The following PLXDC2 variants were observed in gnomAD, a reference collection of about 807,000 sequenced individuals.
PLXDC2 encodes the protein plexin domain containing 2.
Under a neutral mutation model 68.9 loss-of-function variants are expected in PLXDC2, and 40 were observed. The observed-to-expected ratio is 0.58, with a 90% CI of 0.45 to 0.76. The LOEUF (loss-of-function observed/expected upper bound fraction) is 0.76, where lower values mean the gene tolerates loss of function less well. PLXDC2 is among the 30% of genes least tolerant of loss of function. PLXDC2 has a pLI of 0.00. For missense variants in PLXDC2, 644 were observed against 661.9 expected (o/e 0.97, Z 0.30); for synonymous variants, 243 against 234.2 (o/e 1.04, Z -0.34).
At chr10:19,955,049 T>C (rs1834045770) in intron 1 of PLXDC2, among the ~76,000 whole-genome samples, 1 of 151,632 alleles carries the variant, frequency 6.6e-6, no homozygotes, top group Admixed American at 6.6e-5. Flanking sequence ...TTGCCTATAG[T>C]TGTTTCTCCT....
intron 1 of PLXDC2, among the ~76,000 whole-genome samples, chr10:19,957,190 G>C (rs1469282128): frequency 1.3e-5 from 2 of 152,096 alleles, no homozygotes; most frequent in Non-Finnish European, 2.9e-5. Context: ...TCTAGTCTTT[G>C]AACTGGTACT....
At chr10:19,915,066 T>A (rs1489866543) in intron 1 of PLXDC2, among the ~76,000 whole-genome samples, 1 of 152,174 alleles carries the variant, frequency 6.6e-6, no homozygotes, top group Non-Finnish European at 1.5e-5. Flanking sequence ...TTAAATTTAC[T>A]CTACCAATCT....
At chr10:20,260,426 C>T (rs1231959031) in intron 13 of PLXDC2, among the ~76,000 whole-genome samples, 1 of 152,212 alleles carries the variant, frequency 6.6e-6, no homozygotes, top group African/African-American at 2.4e-5. Context: ...AAAAATTCCA[C>T]ATGTGATAGA....
intron 2 of PLXDC2, among the ~76,000 whole-genome samples, chr10:20,034,491 A>G (rs975280113): frequency 2.0e-5 from 3 of 152,198 alleles, no homozygotes; most frequent in African/African-American, 7.2e-5. Context: ...TTAGAGGCAC[A>G]TATAAAATTC....
intron 1 of PLXDC2, among the ~76,000 whole-genome samples, chr10:19,929,853 A>G (rs1292911362): frequency 6.6e-6 from 1 of 152,200 alleles, no homozygotes; most frequent in Non-Finnish European, 1.5e-5. Context: ...CACTGTCCAT[A>G]TTCAGTTCCA....
At chr10:20,046,358 A>G (rs1470360549) in intron 2 of PLXDC2, among the ~76,000 whole-genome samples, 1 of 152,084 alleles carries the variant, frequency 6.6e-6, no homozygotes, top group Non-Finnish European at 1.5e-5. Flanking sequence ...AAAACTTAGA[A>G]GGAAATATAT....
chr10:20,054,390 C>T (rs779009852), intron 3 of PLXDC2, among the ~76,000 whole-genome samples: 2 of 151,546 alleles, frequency 1.3e-5, no homozygotes, highest in African/African-American at 2.4e-5. Context: ...TTTGTAGATG[C>T]GTAAATATGG....
At chr10:20,006,165 C>T (rs1336083560) in intron 2 of PLXDC2, among the ~76,000 whole-genome samples, 6 of 151,276 alleles carry the variant, frequency 4.0e-5, no homozygotes, top group Non-Finnish European at 7.4e-5. Context: ...GGCAACAGAG[C>T]GAGACTCAGT....
chr10:20,165,816 A>C (rs935182734), intron 7 of PLXDC2, among the ~76,000 whole-genome samples: 1 of 152,176 alleles, frequency 6.6e-6, no homozygotes, highest in African/African-American at 2.4e-5. Context: ...TTATATTAGA[A>C]ACCAAAATGC....
intron 4 of PLXDC2, among the ~76,000 whole-genome samples, chr10:20,126,920 G>T (rs1036013741): frequency 6.8e-6 from 1 of 147,472 alleles, no homozygotes; most frequent in African/African-American, 2.5e-5. Flanking sequence ...TATATATTAT[G>T]TATGTATATA....
At chr10:19,822,271 A>T (rs1589484201) in intron 1 of PLXDC2, among the ~76,000 whole-genome samples, 1 of 149,004 alleles carries the variant, frequency 6.7e-6, no homozygotes, top group Non-Finnish European at 1.5e-5. Context: ...AATATATATA[A>T]TATATGCACT....
intron 9 of PLXDC2, among the ~76,000 whole-genome samples, chr10:20,204,670 T>G (rs899416290): frequency 6.6e-6 from 1 of 152,160 alleles, no homozygotes; most frequent in African/African-American, 2.4e-5. Flanking sequence ...CTACAGTAAA[T>G]GAATTAAAAA....
chr10:19,817,047 T>A lies in PLXDC2; in HGVS notation c.-33T>A. ...GAGCCCCCGAGCACCGGCGAAGGAC[T>A]GGCGGGTGGGGTAGGGAGGTGGCGG... On this transcript the variant is annotated 5_prime_UTR_variant, in exon 1 of 14. Transcript: ENST00000377252. 1 of 1,474,792 alleles carries A rather than the reference T, an allele frequency of 6.8e-7. No individual in the cohort carries two copies. Among genetic ancestry groups the A allele is most frequent in the Non-Finnish European group, 9.1e-7 (1 of 1,099,690 alleles). 91.4% of individuals were successfully genotyped at this position (1,474,792 alleles called of 1,614,324 possible).
At chr10:20,155,269 G>T (rs1379086637) in intron 6 of PLXDC2, among the ~76,000 whole-genome samples, 2 of 152,208 alleles carry the variant, frequency 1.3e-5, no homozygotes, top group East Asian at 3.9e-4. Context: ...GATGAACATT[G>T]GCTGAACTTG....
At chr10:19,981,638 G>C (rs1041845429) in intron 1 of PLXDC2, among the ~76,000 whole-genome samples, 2 of 152,116 alleles carry the variant, frequency 1.3e-5, no homozygotes, top group Non-Finnish European at 1.5e-5. Context: ...GGAGTTTCAC[G>C]GAATGATTGA....
chr10:20,031,034 A>C (rs1393070414), intron 2 of PLXDC2, among the ~76,000 whole-genome samples: 1 of 152,144 alleles, frequency 6.6e-6, no homozygotes, highest in Non-Finnish European at 1.5e-5. Flanking sequence ...CTGACATACC[A>C]ACTGATTGCA....
At chr10:20,118,931 T>G (rs983347427) in intron 4 of PLXDC2, among the ~76,000 whole-genome samples, 1 of 152,110 alleles carries the variant, frequency 6.6e-6, no homozygotes, top group African/African-American at 2.4e-5. Context: ...TTTTTTTTTT[T>G]TTTTGATTCC....
rs58086408 is a variant in PLXDC2 at position 20,223,312 on chromosome 10, A to ATTTT, written c.1312+4225_1312+4228dup. On this transcript the variant is annotated intron_variant, in intron 12 of 13. Coordinates refer to ENST00000377252, the MANE Select transcript of PLXDC2 (RefSeq NM_032812.9). ...TAGTCCTTCTCTTTCACAGAATTGA[A>ATTTT]TTTTTTTTTTTTTTTTTTGAGATGG... Among the ~76,000 whole-genome samples the ATTTT allele has an allele frequency of 5.2e-3, 679 of 131,150 alleles. 20 individuals are homozygous for ATTTT. Among genetic ancestry groups the ATTTT allele is most frequent in the African/African-American group, 0.015 (531 of 34,558 alleles). 86.0% of individuals were successfully genotyped at this position (131,150 alleles called of 152,430 possible). A position where few individuals can be genotyped will look rare whatever the true frequency, so the allele number is the denominator to read the frequency against.
chr10:19,980,164 T>C (rs1834528737), intron 1 of PLXDC2, among the ~76,000 whole-genome samples: 3 of 152,204 alleles, frequency 2.0e-5, no homozygotes, highest in Admixed American at 1.3e-4. Context: ...GACTGCATTT[T>C]TTAATAGCAA....
Sources: allele counts gnomAD v4.1 joint callset (sites outside exome capture counted in the v4.1 genomes callset), GRCh38; gene constraint gnomAD v4.1.1; transcripts MANE v1.5; gene names NCBI Gene and HGNC (gene_info 2026-07-23, HGNC 2026-07-21).